SLIT3: variants seen among roughly 807,000 people sequenced by gnomAD.
SLIT3 encodes the protein slit guidance ligand 3.
In SLIT3, 68 loss-of-function variants were observed where a neutral mutation model predicts 184.0. That is an observed-to-expected ratio of 0.37 (90% CI 0.30 to 0.45). SLIT3 has a LOEUF of 0.45. SLIT3 is among the 20% of genes least tolerant of loss of function. The pLI, the probability that SLIT3 is intolerant of heterozygous loss-of-function variation, is 1.00. For synonymous variants in SLIT3, 831 were observed against 828.6 expected (o/e 1.00, Z -0.05); for missense variants, 1,707 against 2,026.0 (o/e 0.84, Z 3.02).
intron 5 of SLIT3, among the ~76,000 whole-genome samples, chr5:168,868,132 C>T (rs1759374380): frequency 6.6e-6 from 1 of 152,198 alleles, no homozygotes; most frequent in Non-Finnish European, 1.5e-5. Context: ...CTCCTCTAAC[C>T]CCGCAAGCCA....
chr5:169,141,424 GT>G (rs869103839), intron 4 of SLIT3, among the ~76,000 whole-genome samples: 21 of 94,616 alleles, frequency 2.2e-4, no homozygotes, highest in Non-Finnish European at 2.3e-4. Flanking sequence ...TGTTTGTTTT[GT>G]TTTTTTTTTT....
chr5:168,799,514 G>A (rs1350827922), intron 9 of SLIT3, among the ~76,000 whole-genome samples: 3 of 152,336 alleles, frequency 2.0e-5, no homozygotes, highest in Middle Eastern at 3.4e-3. Context: ...ATTTGCCCTA[G>A]TTCCTCAGAT....
At chr5:168,983,039 T>G (rs1755004055) in intron 4 of SLIT3, among the ~76,000 whole-genome samples, 1 of 152,196 alleles carries the variant, frequency 6.6e-6, no homozygotes, top group Non-Finnish European at 1.5e-5. Context: ...CCCATGTTAT[T>G]GAAGTCATGG....
chr5:168,755,805 A>G (rs1431094275), intron 16 of SLIT3, among the ~76,000 whole-genome samples: 1 of 152,128 alleles, frequency 6.6e-6, no homozygotes, highest in African/African-American at 2.4e-5. Flanking sequence ...GCATGCTGAC[A>G]TCCTGCACAG....
At chr5:168,808,821 G>A (rs1244971566) in intron 8 of SLIT3, among the ~76,000 whole-genome samples, 1 of 152,212 alleles carries the variant, frequency 6.6e-6, no homozygotes, top group Non-Finnish European at 1.5e-5. Flanking sequence ...GTTGGGAGCA[G>A]TTGGCCTCAG....
intron 4 of SLIT3, among the ~76,000 whole-genome samples, chr5:169,002,187 G>A (rs749534100): frequency 6.6e-6 from 1 of 151,228 alleles, no homozygotes; most frequent in Non-Finnish European, 1.5e-5. Context: ...ATCAGGCATG[G>A]TGGTGTGTGC....
intron 5 of SLIT3, among the ~76,000 whole-genome samples, chr5:168,876,494 C>G (rs11134538): frequency 0.14 from 20,702 of 152,150 alleles, 1,641 homozygotes; most frequent in African/African-American, 0.2. Flanking sequence ...TATACTCCAG[C>G]CACAAATCTC....
intron 4 of SLIT3, among the ~76,000 whole-genome samples, chr5:169,177,991 C>A (rs1267659721): frequency 6.6e-6 from 1 of 151,812 alleles, no homozygotes; most frequent in Non-Finnish European, 1.5e-5. Context: ...CAGCTCCTTT[C>A]CTTGAGAAAA....
chr5:169,097,623 A>T (rs1389549863), intron 4 of SLIT3, among the ~76,000 whole-genome samples: 1 of 152,228 alleles, frequency 6.6e-6, no homozygotes, highest in African/African-American at 2.4e-5. Flanking sequence ...TTCTACGAAG[A>T]GTAGTTACAC....
chr5:169,244,901 G>A, intron 2 of SLIT3, 125 bp from the exon 3 acceptor site: 1 of 811,616 alleles, frequency 1.2e-6, no homozygotes, highest in Non-Finnish European at 2.1e-6. Context: ...CCTTCAACTG[G>A]GATCAGTCTG....
chr5:168,919,595 G>A (rs1357396609), intron 4 of SLIT3, among the ~76,000 whole-genome samples: 1 of 151,814 alleles, frequency 6.6e-6, no homozygotes, highest in African/African-American at 2.4e-5. Flanking sequence ...AGAATATGGG[G>A]GTGGATGGGA....
At chr5:168,975,746 T>C (rs1162213724) in intron 4 of SLIT3, among the ~76,000 whole-genome samples, 1 of 152,202 alleles carries the variant, frequency 6.6e-6, no homozygotes, top group African/African-American at 2.4e-5. Flanking sequence ...AGAAGTCCTC[T>C]AGAAACCTGT....
intron 7 of SLIT3, among the ~76,000 whole-genome samples, chr5:168,822,851 C>A (rs531522792): frequency 2.0e-5 from 3 of 152,292 alleles, no homozygotes; most frequent in Admixed American, 2.0e-4. Flanking sequence ...CCATTGCAAC[C>A]ACTGGCAATC....
intron 4 of SLIT3, among the ~76,000 whole-genome samples, chr5:168,947,582 C>G (rs938924994): frequency 2.0e-5 from 3 of 152,174 alleles, no homozygotes; most frequent in Non-Finnish European, 4.4e-5. Context: ...GGCAGGGCCA[C>G]CTGGGTCCTG....
chr5:168,802,848 C>T (rs183245660), intron 9 of SLIT3, among the ~76,000 whole-genome samples: 325 of 152,298 alleles, frequency 2.1e-3, no homozygotes, highest in African/African-American at 7.3e-3. Context: ...TTACTATATT[C>T]GTTCACCTAA....
intron 1 of SLIT3, among the ~76,000 whole-genome samples, chr5:169,263,267 A>G (rs1766260857): frequency 6.6e-6 from 1 of 152,090 alleles, no homozygotes; most frequent in African/African-American, 2.4e-5. Flanking sequence ...GTTTAAGCCC[A>G]GGGGGGCAGA....
intron 14 of SLIT3, among the ~76,000 whole-genome samples, chr5:168,771,335 G>T (rs915888780): frequency 6.6e-6 from 1 of 152,134 alleles, no homozygotes; most frequent in Non-Finnish European, 1.5e-5. Context: ...AGGGAAGGAG[G>T]TCATCCAAGC....
At chr5:168,703,990 C>T (rs1762302021) in intron 26 of SLIT3, among the ~76,000 whole-genome samples, 1 of 150,678 alleles carries the variant, frequency 6.6e-6, no homozygotes, top group Admixed American at 6.6e-5. Flanking sequence ...AACAGCTGCC[C>T]TCATTGGAAA....
intron 3 of SLIT3, among the ~76,000 whole-genome samples, chr5:169,220,243 A>T (rs1224931320): frequency 6.6e-6 from 1 of 151,990 alleles, no homozygotes; most frequent in Non-Finnish European, 1.5e-5. Flanking sequence ...TCAGGCAGAG[A>T]GAAGATACTA....
Sources: allele counts gnomAD v4.1 joint callset (sites outside exome capture counted in the v4.1 genomes callset), GRCh38; gene constraint gnomAD v4.1.1; transcripts MANE v1.5; gene names NCBI Gene and HGNC (gene_info 2026-07-23, HGNC 2026-07-21).